The following CLMP variants were observed in gnomAD, a reference collection of about 807,000 sequenced individuals.
CLMP encodes the protein CXADR like cell adhesion molecule.
CLMP carries 27 observed loss-of-function variants against 45.2 expected under a neutral mutation model. The ratio of observed to expected loss-of-function variants is 0.60; its 90% CI spans 0.44 to 0.82. CLMP has a LOEUF of 0.82. Among genes scored for constraint, CLMP ranks in the 40% least tolerant of loss-of-function variants. The pLI is 0.00. For synonymous variants in CLMP, 167 were observed against 171.4 expected (o/e 0.97, Z 0.20); for missense variants, 403 against 448.4 (o/e 0.90, Z 0.91).
intron 1 of CLMP, among the ~76,000 whole-genome samples, chr11:123,133,817 G>C (rs533416538): frequency 2.0e-5 from 3 of 152,234 alleles, no homozygotes; most frequent in South Asian, 2.1e-4. Flanking sequence ...ATCTGAGCGG[G>C]GAGGCCTTGC....
At chr11:123,128,758 T>C (rs1442373056) in intron 1 of CLMP, among the ~76,000 whole-genome samples, 3 of 152,198 alleles carry the variant, frequency 2.0e-5, no homozygotes, top group Non-Finnish European at 4.4e-5. Flanking sequence ...TTTCTCAAAT[T>C]GAATATTAAA....
chr11:123,119,841 C>T (rs1425136634), intron 1 of CLMP, among the ~76,000 whole-genome samples: 1 of 152,122 alleles, frequency 6.6e-6, no homozygotes, highest in Non-Finnish European at 1.5e-5. Context: ...CACACGCCAC[C>T]AAGCCCAGCT....
Position 123,162,073 on chromosome 11 carries a change from C to T in CLMP, c.28+32840G>A, listed in dbSNP as rs77511720. Among the ~76,000 whole-genome samples the T allele has an allele frequency of 3.4e-3, 511 of 152,330 alleles. 12 individuals are homozygous for T. In the East Asian group the frequency reaches 0.051, roughly 15 times the overall value. The stretch of plus-strand genomic sequence containing the variant: ...CATGGCCCCAACCTGAAGAAGCTCA[C>T]AGTTTAGTGGACAATGTTAAACCAA... On this transcript the variant is annotated intron_variant, in intron 1 of 6. Coordinates refer to ENST00000448775, the MANE Select transcript of CLMP (RefSeq NM_024769.5).
intron 2 of CLMP, among the ~76,000 whole-genome samples, chr11:123,086,507 G>A (rs1865866531): frequency 6.6e-6 from 1 of 152,188 alleles, no homozygotes; most frequent in Non-Finnish European, 1.5e-5. Context: ...CTTTGATCAC[G>A]TGTTGCTCCA....
chr11:123,103,832 CT>C (rs372976967), intron 1 of CLMP, among the ~76,000 whole-genome samples: 479 of 137,238 alleles, frequency 3.5e-3, no homozygotes, highest in African/African-American at 4.9e-3. Context: ...GGTTCTGTCT[CT>C]TTTTTTTTTT....
In CLMP at chr11:123,073,259, A is replaced by G. The variant is rs1397698810; in HGVS notation, c.*215T>C. ...TCCCTTACTCTGGTCTAAAGGCACA[A>G]TAAGATGCCTTTTTACAGATGAATC... is the stretch of plus-strand genomic sequence containing the variant. On this transcript the variant is annotated 3_prime_UTR_variant, in exon 7 of 7. Coordinates refer to ENST00000448775, the MANE Select transcript of CLMP (RefSeq NM_024769.5). 8 of 526,948 alleles carry G rather than the reference A, an allele frequency of 1.5e-5. No individual in the cohort carries two copies. Among genetic ancestry groups the G allele is most frequent in the Non-Finnish European group, 2.6e-5 (8 of 304,736 alleles). The allele number at this position is 526,948 out of a possible 1,614,324, so 32.6% of individuals were successfully genotyped here.
chr11:123,125,473 C>T (rs1455110032), intron 1 of CLMP, among the ~76,000 whole-genome samples: 6 of 123,698 alleles, frequency 4.9e-5, no homozygotes, highest in Non-Finnish European at 1.0e-4. Context: ...CCTCCTCCCT[C>T]CCTCCTCCCT....
intron 2 of CLMP, 33 bp from the exon 3 acceptor site, chr11:123,084,746 G>GTC (rs763332898): frequency 6.3e-7 from 1 of 1,583,890 alleles, no homozygotes; most frequent in Non-Finnish European, 8.7e-7. Flanking sequence ...GTCAAGCAGC[G>GTC]TAACTCTCAG....
At chr11:123,126,803 A>G (rs565834904) in intron 1 of CLMP, among the ~76,000 whole-genome samples, 2 of 152,174 alleles carry the variant, frequency 1.3e-5, no homozygotes, top group East Asian at 3.9e-4. Context: ...AGACTCAGGC[A>G]GGAGAATGGC....
At chr11:123,092,391 G>T (rs940891260) in intron 2 of CLMP, among the ~76,000 whole-genome samples, 3 of 151,738 alleles carry the variant, frequency 2.0e-5, no homozygotes, top group Admixed American at 6.6e-5. Flanking sequence ...TCCACCTCCC[G>T]GGTTCAAGCG....
chr11:123,083,812 C>A lies in CLMP; in HGVS notation c.424G>T (p.Glu142Ter). 1 of 1,613,602 alleles carries A rather than the reference C, an allele frequency of 6.2e-7. No individual in the cohort carries two copies. ...GTCAGGTCACTTCCTTCTGTCAGCTCTCCTTCCAACTCACACTTGGGCTTG... is the reference window on the plus strand; with the variant it reads ...GTCAGGTCACTTCCTTCTGTCAGCTATCCTTCCAACTCACACTTGGGCTTG... ...PSKPKCELEG[E>*]LTEGSDLTLQ... is the part of the protein sequence containing the mutation. The change falls in exon 4 of 7, where the codon GAG (glutamate) becomes TAG (stop). Residue 142 changes from glutamate (E) to a stop codon, truncating the protein, a stop_gained. Coordinates refer to ENST00000448775, the MANE Select transcript of CLMP (RefSeq NM_024769.5). LOFTEE classifies it high-confidence loss of function.
At position 123,084,516 on chromosome 11, in the gene CLMP, G is replaced by A. The variant is rs1257690831; in HGVS notation, c.384C>T (p.Val128=). ...RYVWSHVILK[V]LVRPSKPKCE... is the part of the protein sequence containing the mutation. ...CACTTTGGCATCCTATCTTACCTAA[G>A]ACTTTTAAGATGACATGGCTCCACA... Residue 128 remains valine, a synonymous_variant, in exon 3 of 7, where the codon GTC becomes GTT. Coordinates refer to ENST00000448775, the MANE Select transcript of CLMP (RefSeq NM_024769.5). 2 of 1,613,396 alleles carry A rather than the reference G, an allele frequency of 1.2e-6. No homozygotes were observed. The highest frequency in any genetic ancestry group is 2.7e-5 in the African/African-American group (2 of 74,892).
chr11:123,085,910 G>A (rs1228879851), intron 2 of CLMP, among the ~76,000 whole-genome samples: 1 of 151,688 alleles, frequency 6.6e-6, no homozygotes, highest in Non-Finnish European at 1.5e-5. Flanking sequence ...CTGAGTAGCT[G>A]GGATTACAGA....
intron 1 of CLMP, among the ~76,000 whole-genome samples, chr11:123,146,713 C>T (rs1200309188): frequency 6.6e-6 from 1 of 152,270 alleles, no homozygotes; most frequent in East Asian, 1.9e-4. Context: ...TCTCTCCTCC[C>T]CAGTTCCCCT....
At chr11:123,167,541 TC>T (rs969860737) in intron 1 of CLMP, among the ~76,000 whole-genome samples, 2 of 149,932 alleles carry the variant, frequency 1.3e-5, no homozygotes, top group Non-Finnish European at 2.9e-5. Flanking sequence ...TGCCTTGGCC[TC>T]CCAAAGTGCT....
intron 1 of CLMP, among the ~76,000 whole-genome samples, chr11:123,110,441 G>A (rs1426952799): frequency 2.1e-5 from 3 of 144,930 alleles, no homozygotes; most frequent in African/African-American, 7.9e-5. Flanking sequence ...GTGACAGAGC[G>A]AGACTCCGTC....
intron 1 of CLMP, among the ~76,000 whole-genome samples, chr11:123,115,893 T>C (rs1170696555): frequency 6.6e-6 from 1 of 152,180 alleles, no homozygotes; most frequent in African/African-American, 2.4e-5. Flanking sequence ...TGAGCATGGC[T>C]TAGCTGGGTG....
chr11:123,184,534 G>A (rs866907574), intron 1 of CLMP, among the ~76,000 whole-genome samples: 1 of 152,186 alleles, frequency 6.6e-6, no homozygotes, highest in Non-Finnish European at 1.5e-5. Flanking sequence ...AAGCAAAAGA[G>A]GAAAGGAGAG....
chr11:123,133,248 C>T (rs1861018156), intron 1 of CLMP, among the ~76,000 whole-genome samples: 1 of 152,120 alleles, frequency 6.6e-6, no homozygotes, highest in African/African-American at 2.4e-5. Context: ...AACACAGACT[C>T]CTTGACCGGG....
Sources: allele counts gnomAD v4.1 joint callset (sites outside exome capture counted in the v4.1 genomes callset), GRCh38; gene constraint gnomAD v4.1.1; transcripts MANE v1.5; gene names NCBI Gene and HGNC (gene_info 2026-07-23, HGNC 2026-07-21).